Variants in PDZK1 observed in about 807,000 individuals in gnomAD.
PDZK1 encodes Na(+)/H(+) exchange regulatory cofactor NHE-RF3.
In PDZK1, 23 loss-of-function variants were observed where a neutral mutation model predicts 38.1. The ratio of observed to expected loss-of-function variants is 0.60; its 90% confidence interval spans 0.43 to 0.85. The LOEUF is 0.85. PDZK1 is among the 40% of genes least tolerant of loss of function. PDZK1 has a pLI of 0.00. For synonymous variants in PDZK1, 98 were observed against 186.2 expected (o/e 0.53, Z 3.86); for missense variants, 297 against 504.3 (o/e 0.59, Z 3.94).
chr1:145,672,609 T>C, intron 8 of PDZK1, 121 bp downstream of exon 8: 12 of 1,310,238 alleles, frequency 9.2e-6, no homozygotes, highest in Non-Finnish European at 1.1e-5. Flanking sequence ...TAGTTATCTT[T>C]ACATTTTCAT....
chr1:145,693,449 C>T (rs1435633733), intron 1 of PDZK1, among the ~76,000 whole-genome samples: 5 of 152,026 alleles, frequency 3.3e-5, no homozygotes, highest in African/African-American at 1.2e-4. Context: ...AAGACCTAAA[C>T]CAGATCAAAG....
At chr1:145,697,818 C>T (rs1206044386) in intron 1 of PDZK1, among the ~76,000 whole-genome samples, 2 of 118,582 alleles carry the variant, frequency 1.7e-5, no homozygotes, top group East Asian at 2.7e-4. Flanking sequence ...CAGGATTTCA[C>T]CATGTTGGTC....
chr1:145,703,040 A>C (rs1656055745), intron 1 of PDZK1, among the ~76,000 whole-genome samples: 1 of 152,198 alleles, frequency 6.6e-6, no homozygotes, highest in Non-Finnish European at 1.5e-5. Context: ...CCCCATGAGC[A>C]CTTACTCATA....
At chr1:145,681,592 T>G (rs2101890226) in intron 4 of PDZK1, among the ~76,000 whole-genome samples, 1 of 140,290 alleles carries the variant, frequency 7.1e-6, no homozygotes, top group East Asian at 2.1e-4. Context: ...CCGGCCCCTA[T>G]CTCCACTTCT....
intron 1 of PDZK1, among the ~76,000 whole-genome samples, chr1:145,705,512 C>T (rs988739771): frequency 2.0e-5 from 3 of 152,138 alleles, no homozygotes; most frequent in Admixed American, 2.0e-4. Flanking sequence ...ACCCCAATGA[C>T]AAGGAGCTAC....
chr1:145,702,949 C>T (rs1656048881), intron 1 of PDZK1, among the ~76,000 whole-genome samples: 1 of 152,140 alleles, frequency 6.6e-6, no homozygotes, highest in South Asian at 2.1e-4. Context: ...ATAATCCAGC[C>T]CTACCTCAGG....
chr1:145,706,943 G>A (rs1181766137), intron 1 of PDZK1, among the ~76,000 whole-genome samples: 2 of 151,910 alleles, frequency 1.3e-5, no homozygotes. Flanking sequence ...CAAGGCCCCT[G>A]TATCAGTAGG....
intron 1 of PDZK1, among the ~76,000 whole-genome samples, chr1:145,701,199 C>T (rs976284282): frequency 1.3e-5 from 2 of 149,772 alleles, no homozygotes; most frequent in Non-Finnish European, 3.0e-5. Flanking sequence ...AGCGAGACTC[C>T]ATCTCAAAAA....
intron 5 of PDZK1, among the ~76,000 whole-genome samples, chr1:145,679,865 C>T (rs1320276041): frequency 6.6e-6 from 1 of 152,228 alleles, no homozygotes; most frequent in African/African-American, 2.4e-5. Context: ...CTTGTCACCT[C>T]TCTCCAACCT....
At chr1:145,706,400 A>T (rs1197147479) in intron 1 of PDZK1, among the ~76,000 whole-genome samples, 6 of 152,204 alleles carry the variant, frequency 3.9e-5, no homozygotes, top group African/African-American at 1.4e-4. Context: ...ACTTCAGATG[A>T]CTGGACAATC....
chr1:145,672,505 T>TAGCTCTAGACAGTTGCTGTC (rs1653176765), intron 8 of PDZK1, among the ~76,000 whole-genome samples: 7 of 151,414 alleles, frequency 4.6e-5, no homozygotes, highest in African/African-American at 1.7e-4. Flanking sequence ...CTTGATTTAT[T>TAGCTCTAGACAGTTGCTGTC]AGCTCTAGAC....
At chr1:145,697,713 C>T (rs1655711775) in intron 1 of PDZK1, among the ~76,000 whole-genome samples, 1 of 150,918 alleles carries the variant, frequency 6.6e-6, no homozygotes, top group African/African-American at 2.4e-5. Context: ...GTCTCCTGCT[C>T]AGCCTCCTGA....
chr1:145,699,412 A>G (rs1180913389), intron 1 of PDZK1, among the ~76,000 whole-genome samples: 1 of 152,130 alleles, frequency 6.6e-6, no homozygotes, highest in Non-Finnish European at 1.5e-5. Flanking sequence ...GCAAGACTCC[A>G]TCTCAAACTA....
At chr1:145,696,315 T>C (rs1553704125) in intron 1 of PDZK1, among the ~76,000 whole-genome samples, 1 of 152,234 alleles carries the variant, frequency 6.6e-6, no homozygotes, top group Non-Finnish European at 1.5e-5. Flanking sequence ...CTAACCAGCC[T>C]GGATAGCTTT....
rs72993563 is a variant in PDZK1 at position 145,701,603 on chromosome 1, C to T, written c.-3+5714G>A. ...TTGGTGGAGACTGTGCAACATTAAG[C>T]CAGCAACTATAGACAGGCTGAGAAT... is the stretch of plus-strand genomic sequence containing the variant. On this transcript the variant is annotated intron_variant, in intron 1 of 8. Coordinates refer to ENST00000417171, the MANE Select transcript of PDZK1 (RefSeq NM_001201325.2). Among the ~76,000 whole-genome samples the T allele has an allele frequency of 5.2e-3, 784 of 152,228 alleles. 9 individuals are homozygous for T. Among genetic ancestry groups the T allele is most frequent in the African/African-American group, 0.018 (742 of 41,532 alleles).
chr1:145,694,223 CA>C (rs1655482109), intron 1 of PDZK1, among the ~76,000 whole-genome samples: 1 of 152,224 alleles, frequency 6.6e-6, no homozygotes, highest in South Asian at 2.1e-4. Flanking sequence ...CATCCTCCTC[CA>C]AACCTATGGG....
At chr1:145,691,501 C>T (rs1031622458) in intron 1 of PDZK1, among the ~76,000 whole-genome samples, 4 of 152,200 alleles carry the variant, frequency 2.6e-5, no homozygotes, top group Admixed American at 2.6e-4. Flanking sequence ...TTTAACCCCA[C>T]CTCATCTTCT....
At chr1:145,688,696 C>CA (rs1235586332) in intron 1 of PDZK1, among the ~76,000 whole-genome samples, 2 of 152,154 alleles carry the variant, frequency 1.3e-5, no homozygotes, top group Non-Finnish European at 2.9e-5. Context: ...CACAGTGGCT[C>CA]ACCCCTGTAT....
At position 145,704,936 on chromosome 1, in the gene PDZK1, T is replaced by G. The variant is rs373318620; in HGVS notation, c.-3+2381A>C. On this transcript the variant is annotated intron_variant, in intron 1 of 8. Transcript: ENST00000417171. Reference sequence around the variant, plus strand: ...CAAAGCCATCGCCATCTGCATCTATTCTTCTAGCTCCTTCCCTGCCACACT... The same window carrying G: ...CAAAGCCATCGCCATCTGCATCTATGCTTCTAGCTCCTTCCCTGCCACACT... Among the ~76,000 whole-genome samples, 5 of 152,326 alleles carry G rather than the reference T, an allele frequency of 3.3e-5. No homozygotes were observed. In the East Asian group the frequency reaches 9.6e-4, roughly 29 times the overall value.
Sources: allele counts gnomAD v4.1 joint callset (sites outside exome capture counted in the v4.1 genomes callset), GRCh38; gene constraint gnomAD v4.1.1; transcripts MANE v1.5; gene names NCBI Gene and HGNC (gene_info 2026-07-23, HGNC 2026-07-21).